PDE3A: variants seen among roughly 807,000 people sequenced by gnomAD.
PDE3A encodes cGMP-inhibited 3',5'-cyclic phosphodiesterase 3A.
Under a neutral mutation model 98.3 loss-of-function variants are expected in PDE3A, and 43 were observed. That is an observed-to-expected ratio of 0.44 (90% confidence interval 0.34 to 0.56). The LOEUF is 0.56. PDE3A is among the 20% of genes least tolerant of loss of function. The pLI is 0.01. For synonymous variants in PDE3A, 663 were observed against 567.9 expected (o/e 1.17, Z -2.38); for missense variants, 1,427 against 1,440.7 (o/e 0.99, Z 0.15).
At chr12:20,526,659 A>C (rs1051822126) in intron 1 of PDE3A, among the ~76,000 whole-genome samples, 4 of 152,012 alleles carry the variant, frequency 2.6e-5, no homozygotes, top group African/African-American at 9.7e-5. Flanking sequence ...TCTTCCATTC[A>C]GTTTTTGAAA....
intron 1 of PDE3A, among the ~76,000 whole-genome samples, chr12:20,397,315 A>G (rs576918141): frequency 2.0e-5 from 3 of 152,118 alleles, no homozygotes; most frequent in East Asian, 3.9e-4. Flanking sequence ...TTTTGTGCAT[A>G]TGAGTGCTAG....
At chr12:20,556,742 T>G (rs1252907423) in intron 2 of PDE3A, 32 bp downstream of exon 2, 6 of 1,541,604 alleles carry the variant, frequency 3.9e-6, no homozygotes, top group Middle Eastern at 1.7e-4. Flanking sequence ...TTTTCACGTT[T>G]CGTTTCGTAA....
intron 1 of PDE3A, among the ~76,000 whole-genome samples, chr12:20,372,499 C>A (rs558206127): frequency 1.3e-5 from 2 of 152,086 alleles, no homozygotes; most frequent in East Asian, 3.9e-4. Context: ...TGGGTGGAAA[C>A]TAACACAGTG....
intron 10 of PDE3A, among the ~76,000 whole-genome samples, chr12:20,640,778 G>A (rs1430606812): frequency 1.3e-5 from 2 of 152,006 alleles, no homozygotes; most frequent in Non-Finnish European, 2.9e-5. Flanking sequence ...TCTATAGGTC[G>A]AAACAGGGAA....
intron 1 of PDE3A, among the ~76,000 whole-genome samples, chr12:20,496,886 C>G (rs971429583): frequency 1.3e-5 from 2 of 152,032 alleles, no homozygotes; most frequent in Non-Finnish European, 2.9e-5. Flanking sequence ...GAACAGATTC[C>G]AGAAGAGTGT....
intron 2 of PDE3A, among the ~76,000 whole-genome samples, chr12:20,580,902 A>G (rs965809250): frequency 6.6e-6 from 1 of 152,190 alleles, no homozygotes; most frequent in Non-Finnish European, 1.5e-5. Context: ...CATTTTCAAA[A>G]CTACTGTAGC....
At chr12:20,392,083 C>G (rs1943927089) in intron 1 of PDE3A, among the ~76,000 whole-genome samples, 1 of 151,824 alleles carries the variant, frequency 6.6e-6, no homozygotes. Flanking sequence ...TTTTTGTCAG[C>G]ATAATAATCT....
chr12:20,482,530 A>G (rs1454425940), intron 1 of PDE3A, among the ~76,000 whole-genome samples: 1 of 152,258 alleles, frequency 6.6e-6, no homozygotes, highest in Non-Finnish European at 1.5e-5. Flanking sequence ...AGCTATACAT[A>G]ATCAAGCTGG....
chr12:20,676,397 T>C lies in PDE3A; in HGVS notation c.3185-3633T>C, dbSNP rs73238478. Among the ~76,000 whole-genome samples, 1,050 of 152,244 alleles carry C rather than the reference T, an allele frequency of 6.9e-3. 5 individuals carry two copies. The highest frequency in any genetic ancestry group is 0.024 in the African/African-American group (1,016 of 41,556). On this transcript the variant is annotated intron_variant, in intron 15 of 15. Coordinates refer to ENST00000359062, the MANE Select transcript of PDE3A (RefSeq NM_000921.5). ...TATATTATCCCATTATCTCCTGGAC[T>C]GAATGATTTCTGCTGAGAAATCTGT...
intron 1 of PDE3A, among the ~76,000 whole-genome samples, chr12:20,481,764 ATTTTTTT>A (rs10657239): frequency 9.4e-4 from 75 of 79,602 alleles, no homozygotes; most frequent in South Asian, 4.1e-3. Flanking sequence ...TGGGAAATAG[ATTTTTTT>A]TTTTTTTTTT....
At chr12:20,529,809 G>C (rs1946591430) in intron 1 of PDE3A, among the ~76,000 whole-genome samples, 1 of 152,164 alleles carries the variant, frequency 6.6e-6, no homozygotes, top group South Asian at 2.1e-4. Context: ...AGTTATGACA[G>C]CTCTAGCAAA....
In PDE3A at chr12:20,419,302, T is replaced by TTTTC. The variant is rs1474889713; in HGVS notation, c.960+49062_960+49065dup. 7.2e-5 allele frequency among the ~76,000 whole-genome samples: 11 copies of TTTTC among 152,006 alleles called. 1 individual carries two copies. Among genetic ancestry groups the TTTTC allele is most frequent in the Non-Finnish European group, 1.5e-4 (10 of 67,996 alleles). ...TTTTGCTTATACCAGGTGAAACTTA[T>TTTTC]TTTCTTTTGAGGCAAGATCTTGCTC... On this transcript the variant is annotated intron_variant, in intron 1 of 15. Coordinates refer to ENST00000359062, the MANE Select transcript of PDE3A (RefSeq NM_000921.5).
At chr12:20,520,976 G>T (rs2121150234) in intron 1 of PDE3A, among the ~76,000 whole-genome samples, 1 of 152,308 alleles carries the variant, frequency 6.6e-6, no homozygotes, top group South Asian at 2.1e-4. Context: ...CCTCTGTGAT[G>T]GGCCGTTCTT....
chr12:20,646,013 G>C (rs1031855974), intron 10 of PDE3A, among the ~76,000 whole-genome samples: 4 of 152,226 alleles, frequency 2.6e-5, no homozygotes, highest in African/African-American at 9.6e-5. Context: ...AGTGCTTTAA[G>C]ATTGATACAG....
chr12:20,495,502 C>T (rs1260910976), intron 1 of PDE3A, among the ~76,000 whole-genome samples: 1 of 151,828 alleles, frequency 6.6e-6, no homozygotes, highest in African/African-American at 2.4e-5. Flanking sequence ...TTGAATATTC[C>T]TTTTAAACTT....
At chr12:20,652,817 T>C (rs963494064) in intron 14 of PDE3A, among the ~76,000 whole-genome samples, 1 of 152,140 alleles carries the variant, frequency 6.6e-6, no homozygotes, top group Non-Finnish European at 1.5e-5. Flanking sequence ...AAAACCAAAA[T>C]TGACAAATGG....
At chr12:20,391,865 C>T (rs148109654) in intron 1 of PDE3A, among the ~76,000 whole-genome samples, 104 of 151,932 alleles carry the variant, frequency 6.8e-4, no homozygotes, top group African/African-American at 2.3e-3. Flanking sequence ...TGGAACAAAG[C>T]GAAGGGTGGC....
intron 1 of PDE3A, among the ~76,000 whole-genome samples, chr12:20,387,380 A>C (rs530266841): frequency 2.0e-5 from 3 of 152,068 alleles, no homozygotes; most frequent in African/African-American, 7.2e-5. Context: ...GGCCAGTTTC[A>C]CAATATTGAT....
intron 15 of PDE3A, among the ~76,000 whole-genome samples, chr12:20,673,628 C>T (rs1358621719): frequency 6.7e-6 from 1 of 149,464 alleles, no homozygotes; most frequent in East Asian, 2.0e-4. Context: ...CATATTCTCA[C>T]TCATAGGTGG....
Sources: gnomAD v4.1 joint callset for allele counts (sites outside exome capture counted in the v4.1 genomes callset) on GRCh38, gnomAD v4.1.1 for gene constraint, MANE v1.5 for transcripts, NCBI Gene and HGNC (gene_info 2026-07-23, HGNC 2026-07-21) for gene names.